The following PCSK5 variants were observed in gnomAD, a reference collection of about 807,000 sequenced individuals.
PCSK5 encodes prohormone convertase 5.
PCSK5 carries 129 observed loss-of-function variants against 233.2 expected under a neutral mutation model. The observed-to-expected ratio is 0.55, with a 90% confidence interval of 0.48 to 0.64. The LOEUF is 0.64. PCSK5 is among the 30% of genes least tolerant of loss of function. The pLI is 0.00. For missense variants in PCSK5, 2,076 were observed against 2,430.1 expected (o/e 0.85, Z 3.06); for synonymous variants, 825 against 879.2 (o/e 0.94, Z 1.09).
rs779074684 is a variant in PCSK5 at position 76,107,269 on chromosome 9, C to G, written c.1126C>G (p.Gln376Glu). Residue 376 changes from glutamine (Q) to glutamate (E), a missense_variant, in exon 9 of 38, where the codon CAG becomes GAG. Gln to Glu is a conservative substitution (Grantham distance 29). Transcript: ENST00000674117. ...TTTCCAGATCACTACAGATCTGAGG[C>G]AGCGTTGCACGGACAACCACACTGG... The part of the protein sequence containing the change: ...DKKIITTDLR[Q>E]RCTDNHTGTS... The G allele has an allele frequency of 6.2e-7, 1 of 1,612,918 alleles. No homozygotes were observed. The highest frequency in any genetic ancestry group is 1.1e-5 in the South Asian group (1 of 91,036).
chr9:76,056,773 A>G (rs1010797104), intron 5 of PCSK5, among the ~76,000 whole-genome samples: 2 of 152,202 alleles, frequency 1.3e-5, no homozygotes, highest in Admixed American at 6.5e-5. Context: ...TATCCTTAAG[A>G]GAATCAGAAG....
intron 34 of PCSK5, among the ~76,000 whole-genome samples, chr9:76,333,320 A>G (rs1002794984): frequency 6.6e-6 from 1 of 152,218 alleles, no homozygotes; most frequent in Non-Finnish European, 1.5e-5. Flanking sequence ...TTTAAAATTC[A>G]GGGTCTCACA....
At chr9:76,268,868 A>C (rs2131370340) in intron 24 of PCSK5, among the ~76,000 whole-genome samples, 1 of 152,338 alleles carries the variant, frequency 6.6e-6, no homozygotes, top group African/African-American at 2.4e-5. Context: ...AACAAAAAAC[A>C]AAAACAAAAC....
chr9:75,972,286 G>T (rs1267116312), intron 2 of PCSK5, among the ~76,000 whole-genome samples: 1 of 152,194 alleles, frequency 6.6e-6, no homozygotes, highest in Non-Finnish European at 1.5e-5. Flanking sequence ...CTGTAGCCTT[G>T]TAGTATAGTT....
At chr9:76,112,428 G>A (rs1832259995) in intron 9 of PCSK5, among the ~76,000 whole-genome samples, 1 of 152,130 alleles carries the variant, frequency 6.6e-6, no homozygotes, top group Non-Finnish European at 1.5e-5. Flanking sequence ...ACTAACAGCT[G>A]CTCTTCTACA....
At chr9:76,177,686 T>C (rs1456007698) in intron 14 of PCSK5, among the ~76,000 whole-genome samples, 1 of 152,254 alleles carries the variant, frequency 6.6e-6, no homozygotes, top group Non-Finnish European at 1.5e-5. Context: ...TCTTTATTCA[T>C]ATTTTGGTAA....
chr9:76,332,310 C>T, intron 33 of PCSK5, 123 bp from the exon 34 acceptor site: 1 of 654,076 alleles, frequency 1.5e-6, no homozygotes, highest in South Asian at 1.9e-5. Flanking sequence ...CATCAGCTCA[C>T]AGGATCATCC....
intron 2 of PCSK5, among the ~76,000 whole-genome samples, chr9:75,978,266 C>T (rs547048820): frequency 1.3e-4 from 20 of 152,196 alleles, no homozygotes; most frequent in Non-Finnish European, 2.5e-4. Flanking sequence ...TGTCAAGCAT[C>T]GTCTTTGGTA....
At chr9:76,067,550 A>T (rs763809503) in intron 5 of PCSK5, among the ~76,000 whole-genome samples, 78 of 152,314 alleles carry the variant, frequency 5.1e-4, no homozygotes, top group Non-Finnish European at 8.5e-4. Flanking sequence ...AAGTTTTCTA[A>T]TAATTGATTT....
chr9:76,192,088 G>A (rs201481018), intron 20 of PCSK5, among the ~76,000 whole-genome samples: 124 of 73,988 alleles, frequency 1.7e-3, no homozygotes, highest in Admixed American at 2.2e-3. Flanking sequence ...AAAAAAAAAA[G>A]AAGTGATGAT....
chr9:75,902,766 G>A (rs753823263), intron 1 of PCSK5, among the ~76,000 whole-genome samples: 2 of 152,162 alleles, frequency 1.3e-5, no homozygotes, highest in Non-Finnish European at 1.5e-5. Flanking sequence ...ATTCTCTTTG[G>A]ATAAATGTAG....
At chr9:76,184,792 C>T in intron 17 of PCSK5, 35 bp downstream of exon 17, 1 of 1,189,194 alleles carries the variant, frequency 8.4e-7, no homozygotes. Flanking sequence ...AGTAACACAG[C>T]CCAAAGAGCT....
chr9:76,351,531 AGGAAG>A (rs1353892650), intron 36 of PCSK5, among the ~76,000 whole-genome samples: 47 of 85,846 alleles, frequency 5.5e-4, no homozygotes, highest in South Asian at 9.2e-4. Flanking sequence ...AAAGAAAGAA[AGGAAG>A]GAAAGAAAGA....
chr9:76,004,254 TG>T (rs149683010), intron 3 of PCSK5, among the ~76,000 whole-genome samples: 2,175 of 151,472 alleles, frequency 0.014, 43 homozygotes, highest in African/African-American at 0.049. Flanking sequence ...ATTTCTTTGA[TG>T]TTTTTTTTTT....
intron 2 of PCSK5, among the ~76,000 whole-genome samples, chr9:75,942,313 C>T (rs1336468671): frequency 6.6e-6 from 1 of 152,194 alleles, no homozygotes; most frequent in Non-Finnish European, 1.5e-5. Flanking sequence ...TCAAAGGAAA[C>T]ACATCTTTGG....
At chr9:76,316,973 T>G (rs1415449415) in intron 30 of PCSK5, among the ~76,000 whole-genome samples, 1 of 152,156 alleles carries the variant, frequency 6.6e-6, no homozygotes, top group Non-Finnish European at 1.5e-5. Flanking sequence ...TACTACTGTG[T>G]GAGAAAGCTC....
intron 3 of PCSK5, among the ~76,000 whole-genome samples, chr9:76,021,774 A>T (rs1434126706): frequency 1.3e-5 from 2 of 152,142 alleles, no homozygotes; most frequent in East Asian, 3.9e-4. Context: ...CCTGTAAGGG[A>T]TGAGGTTTGG....
intron 8 of PCSK5, among the ~76,000 whole-genome samples, chr9:76,099,690 C>T (rs1831679655): frequency 1.3e-5 from 2 of 152,088 alleles, no homozygotes; most frequent in Admixed American, 6.5e-5. Flanking sequence ...TCCTGTGTTG[C>T]GCCTGGGACC....
chr9:76,130,845 T>A (rs1030149069), intron 9 of PCSK5, among the ~76,000 whole-genome samples: 1 of 152,164 alleles, frequency 6.6e-6, no homozygotes, highest in Non-Finnish European at 1.5e-5. Flanking sequence ...CTACATGTGA[T>A]TTATTATAGG....
Sources: gnomAD v4.1 joint callset for allele counts (sites outside exome capture counted in the v4.1 genomes callset) on GRCh38, gnomAD v4.1.1 for gene constraint, MANE v1.5 for transcripts, NCBI Gene and HGNC (gene_info 2026-07-23, HGNC 2026-07-21) for gene names.